RPS6KA6: variants seen among roughly 807,000 people sequenced by gnomAD.
RPS6KA6 encodes ribosomal protein S6 kinase alpha-6.
A neutral mutation model predicts 65.4 loss-of-function variants in RPS6KA6; 27 were observed. The observed-to-expected ratio is 0.41, with a 90% CI of 0.30 to 0.57. The LOEUF (loss-of-function observed/expected upper bound fraction) is 0.57, where lower values mean the gene tolerates loss of function less well. Among genes scored for constraint, RPS6KA6 ranks in the 20% least tolerant of loss-of-function variants. The probability of loss-of-function intolerance (pLI) is 0.24; values close to 1 mark genes in which losing one functional copy is unlikely to be tolerated. For synonymous variants in RPS6KA6, 190 were observed against 184.2 expected (o/e 1.03, Z -0.26); for missense variants, 486 against 555.6 (o/e 0.87, Z 1.26).
rs1433746061 is a variant in RPS6KA6, at chrX:84,061,494, T to G, written c.*2783A>C. On this transcript the variant is annotated 3_prime_UTR_variant, in exon 22 of 22. Coordinates refer to ENST00000262752, the MANE Select transcript of RPS6KA6 (RefSeq NM_014496.5). Reference sequence around the variant, plus strand: ...AACAAAATAGGCTGAAGTTTGATCTTTGTGAAAGGACTTGAAACCATTGTT... The same window carrying G: ...AACAAAATAGGCTGAAGTTTGATCTGTGTGAAAGGACTTGAAACCATTGTT... The G allele has an allele frequency of 4.0e-5, 4 of 100,074 alleles. No individual in the cohort carries two copies. The highest frequency in any genetic ancestry group is 6.3e-5 in the Non-Finnish European group (3 of 47,510). 8.2% of individuals were successfully genotyped at this position (100,074 alleles called of 1,213,427 possible).
chrX:84,086,806 A>G (rs139229538), intron 20 of RPS6KA6, among the ~76,000 whole-genome samples: 166 of 111,426 alleles, frequency 1.5e-3, no homozygotes, highest in African/African-American at 5.0e-3. Context: ...AAGTCTCTTT[A>G]TAAGTCTCTC....
Position 84,104,622 on chromosome X carries a change from C to T in RPS6KA6, c.1491G>A (p.Thr497=). 2 of 1,170,105 alleles carry T rather than the reference C, an allele frequency of 1.7e-6. No individual in the cohort carries two copies. Among genetic ancestry groups the T allele is most frequent in the Non-Finnish European group, 2.3e-6 (2 of 872,756 alleles). ...FDDGRYVYLV[T]DLMKGGELLD... is the part of the protein sequence containing the mutation. ...GTAACTCTCCTCCTTTCATTAAATCCGTAACAAGGTAAACATATCTACCAT... is the reference window on the plus strand; with the variant it reads ...GTAACTCTCCTCCTTTCATTAAATCTGTAACAAGGTAAACATATCTACCAT... Residue 497 remains threonine (T), a synonymous_variant, in exon 17 of 22, where the codon ACG becomes ACA. Coordinates refer to ENST00000262752, the MANE Select transcript of RPS6KA6 (RefSeq NM_014496.5).
At chrX:84,082,972 A>G (rs921980633) in intron 20 of RPS6KA6, among the ~76,000 whole-genome samples, 1 of 112,405 alleles carries the variant, frequency 8.9e-6, no homozygotes, top group Non-Finnish European at 1.9e-5. Context: ...ACTTAAACGT[A>G]AAACCTAAAA....
chrX:84,182,491 T>C (rs1249598259), intron 1 of RPS6KA6, among the ~76,000 whole-genome samples: 5 of 111,390 alleles, frequency 4.5e-5, no homozygotes, highest in African/African-American at 1.6e-4. Flanking sequence ...GAAAAAAATC[T>C]TGCATTTCCT....
At chrX:84,089,076 C>T (rs2033990209) in intron 20 of RPS6KA6, among the ~76,000 whole-genome samples, 1 of 108,549 alleles carries the variant, frequency 9.2e-6, no homozygotes, top group Non-Finnish European at 1.9e-5. Flanking sequence ...TCTATATAAC[C>T]CTGGCTGAAG....
rs779029771 is a variant in RPS6KA6, at chrX:84,085,095, C to G, written c.1971+11099G>C. Among the ~76,000 whole-genome samples the G allele has an allele frequency of 1.0e-3, 114 of 111,666 alleles. 1 individual carries two copies. The South Asian group carries it at 0.012, about 12-fold the overall frequency. ...GCTGAAGTTGCATCAGCTTAAGAAG[C>G]TTTTGGGCTGAGACAATGGGGTTTT... is the stretch of plus-strand genomic sequence containing the variant. On this transcript the variant is annotated intron_variant, in intron 20 of 21. Coordinates refer to ENST00000262752, the MANE Select transcript of RPS6KA6 (RefSeq NM_014496.5).
intron 20 of RPS6KA6, among the ~76,000 whole-genome samples, chrX:84,079,940 A>G (rs1423048323): frequency 8.9e-6 from 1 of 112,049 alleles, no homozygotes; most frequent in Non-Finnish European, 1.9e-5. Flanking sequence ...CTCTGAAGAG[A>G]GCAGTGGATC....
chrX:84,125,706 T>C (rs900096596), intron 8 of RPS6KA6, among the ~76,000 whole-genome samples: 10 of 110,274 alleles, frequency 9.1e-5, no homozygotes, highest in African/African-American at 2.0e-4. Context: ...ACCAAAAAAT[T>C]AGCCAGGTGT....
intron 5 of RPS6KA6, among the ~76,000 whole-genome samples, chrX:84,146,117 T>C (rs2035194829): frequency 9.0e-6 from 1 of 111,660 alleles, no homozygotes; most frequent in Non-Finnish European, 1.9e-5. Context: ...TTCACTTCTA[T>C]AGCCCACTGA....
chrX:84,104,513 G>T lies in RPS6KA6; in HGVS notation c.1600C>A (p.Leu534Ile). 1 of 1,140,382 alleles carries T rather than the reference G, an allele frequency of 8.8e-7. No homozygotes were observed. Among genetic ancestry groups the T allele is most frequent in the Non-Finnish European group, 1.2e-6 (1 of 859,985 alleles). 94.0% of individuals were successfully genotyped at this position (1,140,382 alleles called of 1,213,427 possible). A position where few individuals can be genotyped will look rare whatever the true frequency, so the allele number is the denominator to read the frequency against. The stretch of plus-strand genomic sequence containing the variant: ...CTACAACTTACTCCTTGACAATGAA[G>T]ATAGTCAACTGTCTTACTTATTACA... ...LYVISKTVDY[L>I]HCQGVVHRDL... The change falls in exon 17 of 22, where the codon CTT becomes ATT. Residue 534 changes from leucine (L) to isoleucine (I), a missense_variant. By Grantham distance (5) the Leu-to-Ile change is conservative. Coordinates refer to ENST00000262752, the MANE Select transcript of RPS6KA6 (RefSeq NM_014496.5).
chrX:84,129,354 CCAAGGATGGAGAGAAAAAGGAAA>C (rs1489447067), intron 8 of RPS6KA6, among the ~76,000 whole-genome samples: 2 of 110,672 alleles, frequency 1.8e-5, no homozygotes, highest in African/African-American at 6.6e-5. Context: ...AAAAATGCTG[CCAAGGATGGAGAGAAAAAGGAAA>C]CCTCATACGC....
At chrX:84,091,230 T>C (rs923713016) in intron 20 of RPS6KA6, among the ~76,000 whole-genome samples, 1 of 112,478 alleles carries the variant, frequency 8.9e-6, no homozygotes, top group African/African-American at 3.2e-5. Flanking sequence ...TCTCACTGCT[T>C]ACTGCAAATT....
chrX:84,092,176 C>G (rs1227004292), intron 20 of RPS6KA6, among the ~76,000 whole-genome samples: 1 of 110,949 alleles, frequency 9.0e-6, no homozygotes, highest in East Asian at 2.8e-4. Context: ...ACATCCTGCA[C>G]ATGTTTCCCA....
chrX:84,097,934 A>C, intron 18 of RPS6KA6, 86 bp from the exon 19 acceptor site: 60 of 623,943 alleles, frequency 9.6e-5, no homozygotes, highest in Non-Finnish European at 1.3e-4. Flanking sequence ...TAATAATCTC[A>C]CAAAAGTTCA....
At chrX:84,155,031 G>T (rs1420983713) in intron 3 of RPS6KA6, among the ~76,000 whole-genome samples, 3 of 109,655 alleles carry the variant, frequency 2.7e-5, no homozygotes, top group African/African-American at 1.0e-4. Flanking sequence ...AAAACCTTGT[G>T]TCCAGAAATT....
chrX:84,176,091 T>C (rs2035764103), intron 1 of RPS6KA6, among the ~76,000 whole-genome samples: 1 of 112,144 alleles, frequency 8.9e-6, no homozygotes, highest in African/African-American at 3.2e-5. Context: ...GCATAAACAT[T>C]AGAAGGTATT....
intron 4 of RPS6KA6, 134 bp from the exon 5 acceptor site, chrX:84,147,192 T>C: frequency 5.0e-6 from 2 of 397,703 alleles, no homozygotes; most frequent in East Asian, 4.2e-5. Flanking sequence ...GCAGTTTTCA[T>C]ATTCCTAGAT....
At chrX:84,129,863 C>A (rs892134729) in intron 8 of RPS6KA6, among the ~76,000 whole-genome samples, 1 of 110,388 alleles carries the variant, frequency 9.1e-6, no homozygotes, top group Non-Finnish European at 1.9e-5. Context: ...GGGGAAGGGA[C>A]TTAGGGGATG....
At chrX:84,096,389 A>C in intron 19 of RPS6KA6, 78 bp from the exon 20 acceptor site, 1 of 415,779 alleles carries the variant, frequency 2.4e-6, no homozygotes, top group Non-Finnish European at 4.0e-6. Context: ...TATTTACTAC[A>C]TGCAAATATT....
Sources: allele counts gnomAD v4.1 joint callset (sites outside exome capture counted in the v4.1 genomes callset), GRCh38; gene constraint gnomAD v4.1.1; transcripts MANE v1.5; gene names NCBI Gene and HGNC (gene_info 2026-07-23, HGNC 2026-07-21).